The following TAF15 variants were observed in gnomAD, a reference collection of about 807,000 sequenced individuals.
The protein encoded by TAF15 is TATA-box binding protein associated factor 15, also known as TATA-binding protein-associated factor 2N.
In TAF15, 37 loss-of-function variants were observed where a neutral mutation model predicts 102.5. The observed-to-expected ratio is 0.36, with a 90% CI of 0.28 to 0.47. The LOEUF is 0.47. Among genes scored for constraint, TAF15 ranks in the 20% least tolerant of loss-of-function variants. The pLI, the probability that TAF15 is intolerant of heterozygous loss-of-function variation, is 0.99. For synonymous variants in TAF15, 273 were observed against 259.2 expected (o/e 1.05, Z -0.51); for missense variants, 652 against 760.7 (o/e 0.86, Z 1.68).
At chr17:35,827,142 A>G (rs1228686123) in intron 7 of TAF15, among the ~76,000 whole-genome samples, 1 of 151,938 alleles carries the variant, frequency 6.6e-6, no homozygotes, top group East Asian at 1.9e-4. Flanking sequence ...CTGTAATCCC[A>G]GCGCTTTGGG....
At chr17:35,809,719 C>G in intron 1 of TAF15, 143 bp downstream of exon 1, 1 of 1,132,646 alleles carries the variant, frequency 8.8e-7, no homozygotes, top group Non-Finnish European at 1.3e-6. Context: ...GCTGCCGCCG[C>G]CATGTTGAAC....
chr17:35,843,187 G>T (rs929604640), intron 12 of TAF15, among the ~76,000 whole-genome samples: 4 of 151,206 alleles, frequency 2.6e-5, no homozygotes, highest in African/African-American at 7.3e-5. Flanking sequence ...ACAATGGCGC[G>T]TTCTTGGCTC....
At chr17:35,826,277 C>A (rs543066365) in intron 7 of TAF15, among the ~76,000 whole-genome samples, 1 of 152,066 alleles carries the variant, frequency 6.6e-6, no homozygotes, top group Non-Finnish European at 1.5e-5. Context: ...AGGAAGGGAT[C>A]TGCAATCTTG....
intron 7 of TAF15, among the ~76,000 whole-genome samples, chr17:35,831,325 G>T (rs1427772874): frequency 1.3e-4 from 20 of 151,384 alleles, no homozygotes; most frequent in Admixed American, 2.6e-4. Context: ...GAGAATGGCG[G>T]GAACCCAGGA....
intron 7 of TAF15, among the ~76,000 whole-genome samples, chr17:35,831,363 C>T (rs997146878): frequency 2.0e-5 from 3 of 150,196 alleles, no homozygotes; most frequent in African/African-American, 4.9e-5. Context: ...GCCGAGATCG[C>T]GCCACTGCAC....
chr17:35,810,265 A>G (rs945727861), intron 1 of TAF15: 10 of 156,408 alleles, frequency 6.4e-5, no homozygotes, highest in Non-Finnish European at 1.1e-4. Context: ...AGCCTTGTCT[A>G]TCTATTATTG....
At chr17:35,830,538 TGAAA>T (rs2087391231) in intron 7 of TAF15, among the ~76,000 whole-genome samples, 1 of 152,252 alleles carries the variant, frequency 6.6e-6, no homozygotes, top group Non-Finnish European at 1.5e-5. Flanking sequence ...AATGCAGATT[TGAAA>T]GAAAGATTGT....
chr17:35,836,163 A>G lies in TAF15; in HGVS notation c.705A>G (p.Thr235=). The G allele has an allele frequency of 6.2e-7, 1 of 1,613,830 alleles. No individual in the cohort carries two copies. The highest frequency in any genetic ancestry group is 2.2e-5 in the East Asian group (1 of 44,820). ...DSESDNSDNN[T]IFVQGLGEGV... ...AATCTGATAATTCAGATAACAACAC[A>G]ATCTTTGTGCAAGGACTTGGGGAGG... Residue 235 remains threonine, a synonymous_variant, in exon 10 of 16, where the codon ACA becomes ACG. Coordinates refer to ENST00000605844, the MANE Select transcript of TAF15 (RefSeq NM_139215.3).
chr17:35,840,189 C>T (rs779820418), intron 11 of TAF15, among the ~76,000 whole-genome samples: 1 of 150,934 alleles, frequency 6.6e-6, no homozygotes, highest in Admixed American at 6.6e-5. Flanking sequence ...CTTGCAGTTC[C>T]TTTCAGTTTC....
intron 12 of TAF15, among the ~76,000 whole-genome samples, chr17:35,843,154 G>C (rs916049671): frequency 6.7e-6 from 1 of 149,642 alleles, no homozygotes; most frequent in Non-Finnish European, 1.5e-5. Flanking sequence ...ACAGAGTTTC[G>C]CTCTTGTTGC....
At chr17:35,831,570 A>G (rs2087406651) in intron 7 of TAF15, among the ~76,000 whole-genome samples, 1 of 152,136 alleles carries the variant, frequency 6.6e-6, no homozygotes, top group Non-Finnish European at 1.5e-5. Flanking sequence ...AATTATAGGA[A>G]CTAGCTATGT....
chr17:35,827,423 G>A (rs1319728898), intron 7 of TAF15, among the ~76,000 whole-genome samples: 1 of 152,030 alleles, frequency 6.6e-6, no homozygotes, highest in Admixed American at 6.6e-5. Flanking sequence ...GAAGGGGCAT[G>A]GGCCAGGTAT....
chr17:35,836,489 T>C (rs2087476683), intron 10 of TAF15, among the ~76,000 whole-genome samples: 1 of 152,244 alleles, frequency 6.6e-6, no homozygotes, highest in African/African-American at 2.4e-5. Context: ...AAAATTAGTC[T>C]CTGCTTAGTT....
chr17:35,810,025 G>A, intron 1 of TAF15: 1 of 300,086 alleles, frequency 3.3e-6, no homozygotes, highest in Non-Finnish European at 6.4e-6. Context: ...TCCCATCCTC[G>A]AAGTGGAGCT....
chr17:35,836,216 T>A lies in TAF15; in HGVS notation c.758T>A (p.Phe253Tyr). ...GTGTCTACAGATCAAGTTGGGGAGT[T>A]CTTTAAACAAATAGGAATTATCAAG... ...EGVSTDQVGE[F>Y]FKQIGIIKTN... Residue 253 changes from phenylalanine to tyrosine, a missense_variant, in exon 10 of 16, where the codon TTC (phenylalanine) becomes TAC (tyrosine). Coordinates refer to ENST00000605844, the MANE Select transcript of TAF15 (RefSeq NM_139215.3). 6.2e-7 allele frequency: 1 copy of A among 1,611,872 alleles called. No homozygotes were observed. The highest frequency in any genetic ancestry group is 8.5e-7 in the Non-Finnish European group (1 of 1,178,106).
At chr17:35,838,058 T>C (rs939504917) in intron 10 of TAF15, among the ~76,000 whole-genome samples, 1 of 151,396 alleles carries the variant, frequency 6.6e-6, no homozygotes, top group Non-Finnish European at 1.5e-5. Context: ...TGGCACTTGC[T>C]TGTAGTCCCA....
At chr17:35,816,604 G>C (rs1207145848) in intron 1 of TAF15, 2 of 152,198 alleles carry the variant, frequency 1.3e-5, no homozygotes, top group South Asian at 2.1e-4. Context: ...TTGCGACTTA[G>C]AGCCATTTTT....
At chr17:35,829,631 CAAAAAAAAAAAAAAAAA>C (rs746776421) in intron 7 of TAF15, among the ~76,000 whole-genome samples, 1 of 33,124 alleles carries the variant, frequency 3.0e-5, no homozygotes, top group Non-Finnish European at 5.8e-5. Flanking sequence ...GACTCCATCT[CAAAAAAAAAAAAAAAAA>C]AAAAAAAAGA....
At chr17:35,823,858 A>G in intron 6 of TAF15, 4 of 621,962 alleles carry the variant, frequency 6.4e-6, no homozygotes, top group South Asian at 5.6e-5. Context: ...CAGATACATT[A>G]CTGTTTTGCC....
Sources: allele counts gnomAD v4.1 joint callset (sites outside exome capture counted in the v4.1 genomes callset), GRCh38; gene constraint gnomAD v4.1.1; transcripts MANE v1.5; gene names NCBI Gene and HGNC (gene_info 2026-07-23, HGNC 2026-07-21).